The following DEPTOR variants were observed in gnomAD, a reference collection of about 807,000 sequenced individuals.
DEPTOR encodes the protein DEP domain-containing mTOR-interacting protein.
Under a neutral mutation model 41.6 loss-of-function variants are expected in DEPTOR, and 41 were observed. That is an observed-to-expected ratio of 0.98 (90% CI 0.77 to 1.28). The LOEUF is 1.28. Among genes scored for constraint, DEPTOR ranks in the 50% most tolerant of loss-of-function variants. The pLI, the probability that DEPTOR is intolerant of heterozygous loss-of-function variation, is 0.00. For synonymous variants in DEPTOR, 195 were observed against 192.3 expected (o/e 1.01, Z -0.12); for missense variants, 514 against 527.9 (o/e 0.97, Z 0.26).
intron 1 of DEPTOR, among the ~76,000 whole-genome samples, chr8:119,896,625 G>C (rs546985660): frequency 1.3e-4 from 20 of 152,110 alleles, no homozygotes; most frequent in African/African-American, 4.8e-4. Context: ...TTGGCCTCAC[G>C]AGTAGCTGGG....
chr8:119,954,961 C>T (rs1015705122), intron 3 of DEPTOR, among the ~76,000 whole-genome samples: 1 of 152,014 alleles, frequency 6.6e-6, no homozygotes, highest in Non-Finnish European at 1.5e-5. Context: ...TGGGTTCAAG[C>T]GATTCTCCTG....
chr8:119,895,087 C>G (rs1233961914), intron 1 of DEPTOR, among the ~76,000 whole-genome samples: 1 of 152,154 alleles, frequency 6.6e-6, no homozygotes, highest in Non-Finnish European at 1.5e-5. Flanking sequence ...TGATAATCTT[C>G]CTGGATAAAG....
chr8:119,978,426 A>G (rs967368618), intron 4 of DEPTOR, among the ~76,000 whole-genome samples: 4 of 152,190 alleles, frequency 2.6e-5, no homozygotes, highest in Non-Finnish European at 5.9e-5. Flanking sequence ...GATATGCTTC[A>G]TCTCTCTCCT....
At chr8:119,910,605 T>C (rs1827724505) in intron 1 of DEPTOR, among the ~76,000 whole-genome samples, 1 of 151,964 alleles carries the variant, frequency 6.6e-6, no homozygotes, top group Non-Finnish European at 1.5e-5. Flanking sequence ...GGTGCCCAGC[T>C]AAGTTTTGTA....
At chr8:119,878,337 T>A (rs1586593963) in intron 1 of DEPTOR, among the ~76,000 whole-genome samples, 1 of 130,798 alleles carries the variant, frequency 7.6e-6, no homozygotes, top group Non-Finnish European at 1.7e-5. Context: ...TTTTTTTTTT[T>A]AAGACAGCAT....
intron 8 of DEPTOR, among the ~76,000 whole-genome samples, chr8:120,045,635 A>T (rs904515389): frequency 6.6e-6 from 1 of 152,164 alleles, no homozygotes; most frequent in East Asian, 1.9e-4. Context: ...TTGGCCTCCC[A>T]AAGTGCTAGG....
intron 3 of DEPTOR, among the ~76,000 whole-genome samples, chr8:119,943,837 A>T (rs557702709): frequency 6.6e-6 from 1 of 151,618 alleles, no homozygotes; most frequent in Admixed American, 6.6e-5. Flanking sequence ...TTTTTATTTT[A>T]TTATTATTAT....
Position 119,928,487 on chromosome 8 carries a change from T to C in DEPTOR, c.210T>C (p.Ile70=). The stretch of plus-strand genomic sequence containing the variant: ...ACTGTTTTGTCGCAAAAGAACTGAT[T>C]GACTGGCTGATTGAACACAAAGAGG... The part of the protein sequence containing the change: ...YPNCFVAKEL[I]DWLIEHKEAS... The change falls in exon 2 of 9, where the codon ATT becomes ATC. Residue 70 remains isoleucine, a synonymous_variant. Coordinates refer to ENST00000286234, the MANE Select transcript of DEPTOR (RefSeq NM_022783.4). 6.2e-7 allele frequency: 1 copy of C among 1,614,168 alleles called. No homozygotes were observed. The highest frequency in any genetic ancestry group is 8.5e-7 in the Non-Finnish European group (1 of 1,180,014).
In DEPTOR at chr8:120,050,271, T is replaced by C. The variant is rs576087019; in HGVS notation, c.*567T>C. The C allele has an allele frequency of 3.9e-5, 6 of 152,084 alleles. No homozygotes were observed. Among genetic ancestry groups the C allele is most frequent in the African/African-American group, 1.4e-4 (6 of 41,478 alleles). 9.4% of individuals were successfully genotyped at this position (152,084 alleles called of 1,614,324 possible). On this transcript the variant is annotated 3_prime_UTR_variant, in exon 9 of 9. Coordinates refer to ENST00000286234, the MANE Select transcript of DEPTOR (RefSeq NM_022783.4). ...ATGACTTCTTAATTCCTGCCTTTAGTGTCAACTTTTAAGTTAATACAGGTT... is the reference window on the plus strand; with the variant it reads ...ATGACTTCTTAATTCCTGCCTTTAGCGTCAACTTTTAAGTTAATACAGGTT...
intron 1 of DEPTOR, among the ~76,000 whole-genome samples, chr8:119,875,120 G>A (rs2131328804): frequency 6.6e-6 from 1 of 152,272 alleles, no homozygotes. Flanking sequence ...AAAATACGTG[G>A]TCAGAATTAA....
intron 1 of DEPTOR, among the ~76,000 whole-genome samples, chr8:119,890,401 C>T (rs1334556568): frequency 6.6e-6 from 1 of 152,074 alleles, no homozygotes; most frequent in Non-Finnish European, 1.5e-5. Flanking sequence ...CTCCCAGGTT[C>T]AAGTGATTCT....
chr8:120,023,876 T>A (rs370010150), intron 8 of DEPTOR, among the ~76,000 whole-genome samples: 1 of 151,640 alleles, frequency 6.6e-6, no homozygotes, highest in South Asian at 2.1e-4. Flanking sequence ...AGAACTGTAG[T>A]GATTAGGTTT....
At chr8:119,944,053 G>A (rs1272414027) in intron 3 of DEPTOR, among the ~76,000 whole-genome samples, 6 of 152,118 alleles carry the variant, frequency 3.9e-5, no homozygotes, top group Non-Finnish European at 8.8e-5. Flanking sequence ...TGTTAGCCAG[G>A]ATGGTCTCGG....
At chr8:119,976,050 C>CG (rs1180589792) in intron 4 of DEPTOR, among the ~76,000 whole-genome samples, 1 of 151,506 alleles carries the variant, frequency 6.6e-6, no homozygotes, top group Non-Finnish European at 1.5e-5. Flanking sequence ...TTAATAGAGA[C>CG]GGGGTTTCAC....
At chr8:119,916,359 G>A (rs1827815824) in intron 1 of DEPTOR, among the ~76,000 whole-genome samples, 1 of 145,184 alleles carries the variant, frequency 6.9e-6, no homozygotes, top group Non-Finnish European at 1.5e-5. Flanking sequence ...GACCTCAAGT[G>A]ATCCACCCAC....
intron 3 of DEPTOR, among the ~76,000 whole-genome samples, chr8:119,934,229 T>A (rs1366934855): frequency 1.3e-5 from 2 of 152,208 alleles, no homozygotes; most frequent in Admixed American, 6.5e-5. Context: ...AGTCTGCTCG[T>A]TGGTAGGATA....
intron 6 of DEPTOR, among the ~76,000 whole-genome samples, chr8:120,003,478 A>G (rs1812387492): frequency 6.6e-6 from 1 of 152,104 alleles, no homozygotes; most frequent in East Asian, 1.9e-4. Flanking sequence ...GTGTCTTCAG[A>G]GAGATGGTCT....
intron 8 of DEPTOR, among the ~76,000 whole-genome samples, chr8:120,026,412 G>T (rs946886810): frequency 1.4e-5 from 2 of 147,800 alleles, no homozygotes; most frequent in Non-Finnish European, 3.0e-5. Context: ...GTGTGATCTC[G>T]GCTTACTGCA....
intron 1 of DEPTOR, among the ~76,000 whole-genome samples, chr8:119,921,719 G>A (rs1468753303): frequency 6.6e-6 from 1 of 151,568 alleles, no homozygotes; most frequent in South Asian, 2.1e-4. Flanking sequence ...GGTCATAGAA[G>A]GATGGTAACT....
Sources: allele counts gnomAD v4.1 joint callset (sites outside exome capture counted in the v4.1 genomes callset), GRCh38; gene constraint gnomAD v4.1.1; transcripts MANE v1.5; gene names NCBI Gene and HGNC (gene_info 2026-07-23, HGNC 2026-07-21).